The following NLGN1 variants were observed in gnomAD, a reference collection of about 807,000 sequenced individuals.
The protein encoded by NLGN1 is neuroligin 1, also known as neuroligin-1.
A neutral mutation model predicts 65.5 loss-of-function variants in NLGN1; 12 were observed. The observed-to-expected ratio is 0.18, with a 90% CI of 0.12 to 0.30. The LOEUF (loss-of-function observed/expected upper bound fraction) is 0.30, where lower values mean the gene tolerates loss of function less well. Among genes scored for constraint, NLGN1 ranks in the 10% least tolerant of loss-of-function variants. NLGN1 has a pLI of 1.00. For synonymous variants in NLGN1, 350 were observed against 359.5 expected (o/e 0.97, Z 0.30); for missense variants, 750 against 1,007.1 (o/e 0.74, Z 3.46).
chr3:173,573,291 A>C (rs1160230787), intron 2 of NLGN1, among the ~76,000 whole-genome samples: 1 of 152,102 alleles, frequency 6.6e-6, no homozygotes, highest in Non-Finnish European at 1.5e-5. Flanking sequence ...CTGGAAAAAA[A>C]CCTGTAAGCT....
chr3:174,192,305 T>G (rs1351624315), intron 4 of NLGN1, among the ~76,000 whole-genome samples: 1 of 152,138 alleles, frequency 6.6e-6, no homozygotes, highest in Non-Finnish European at 1.5e-5. Flanking sequence ...ATTTGAAAAA[T>G]GAATGGATTT....
chr3:174,260,870 A>G (rs1256785150), intron 4 of NLGN1, among the ~76,000 whole-genome samples: 1 of 147,788 alleles, frequency 6.8e-6, no homozygotes, highest in Non-Finnish European at 1.5e-5. Flanking sequence ...TATAAGGTGT[A>G]AGGAAGGGAT....
chr3:173,768,866 G>A (rs1490448530), intron 3 of NLGN1, among the ~76,000 whole-genome samples: 1 of 152,006 alleles, frequency 6.6e-6, no homozygotes, highest in Non-Finnish European at 1.5e-5. Flanking sequence ...CTGCCTCCCA[G>A]GCTCAAGTCA....
chr3:174,013,689 T>G (rs773839172), intron 4 of NLGN1, among the ~76,000 whole-genome samples: 4 of 152,158 alleles, frequency 2.6e-5, no homozygotes, highest in Non-Finnish European at 5.9e-5. Context: ...ATTTTGAGTC[T>G]AATGTTTTCT....
intron 4 of NLGN1, among the ~76,000 whole-genome samples, chr3:173,860,611 C>T (rs187078719): frequency 1.6e-4 from 25 of 152,100 alleles, no homozygotes; most frequent in African/African-American, 5.5e-4. Context: ...TTTAAAAGAG[C>T]GAAGAAATTG....
intron 4 of NLGN1, among the ~76,000 whole-genome samples, chr3:173,887,242 G>A (rs1189096280): frequency 6.6e-6 from 1 of 151,954 alleles, no homozygotes; most frequent in East Asian, 1.9e-4. Context: ...CAGTAAAAAT[G>A]CTTTCATTTG....
intron 2 of NLGN1, among the ~76,000 whole-genome samples, chr3:173,570,639 C>T (rs983442124): frequency 6.6e-6 from 1 of 152,122 alleles, no homozygotes; most frequent in African/African-American, 2.4e-5. Flanking sequence ...AGCTCTTTGT[C>T]CCCTGCCTCT....
At position 174,052,248 on chromosome 3, in the gene NLGN1, A is replaced by G. The variant is rs77432066; in HGVS notation, c.647-223067A>G. Among the ~76,000 whole-genome samples the G allele has an allele frequency of 5.6e-3, 845 of 152,116 alleles. 5 individuals carry two copies. Among genetic ancestry groups the G allele is most frequent in the Middle Eastern group, 0.048 (14 of 294 alleles). ...CATGTGTTGTGTAGGGGAAAACTCA[A>G]TGCAGCAGTCTGTAATGCATATGTA... On this transcript the variant is annotated intron_variant, in intron 4 of 6. Transcript: ENST00000457714.
At chr3:174,070,108 A>T (rs1198959820) in intron 4 of NLGN1, among the ~76,000 whole-genome samples, 1 of 152,156 alleles carries the variant, frequency 6.6e-6, no homozygotes, top group Non-Finnish European at 1.5e-5. Context: ...AGAACATAGG[A>T]TGATGGCTTT....
At chr3:174,076,708 AGAGAGAGAGAGAGAGAGTGTGT>A (rs1489417394) in intron 4 of NLGN1, among the ~76,000 whole-genome samples, 47 of 139,758 alleles carry the variant, frequency 3.4e-4, no homozygotes, top group African/African-American at 1.3e-3. Flanking sequence ...AGAGAGAGAG[AGAGAGAGAGAGAGAGAGTGTGT>A]GTGTGTGTGT....
At chr3:174,149,127 G>T (rs1191596065) in intron 4 of NLGN1, among the ~76,000 whole-genome samples, 4 of 152,134 alleles carry the variant, frequency 2.6e-5, no homozygotes, top group African/African-American at 4.8e-5. Flanking sequence ...CATCCAACAG[G>T]CATGACTTCA....
intron 4 of NLGN1, among the ~76,000 whole-genome samples, chr3:173,893,540 G>A (rs1372924574): frequency 1.3e-5 from 2 of 152,112 alleles, no homozygotes; most frequent in African/African-American, 4.8e-5. Flanking sequence ...TGACCATGAT[G>A]ATTAATGATG....
At chr3:174,146,370 A>G (rs909613924) in intron 4 of NLGN1, among the ~76,000 whole-genome samples, 13 of 152,156 alleles carry the variant, frequency 8.5e-5, no homozygotes, top group African/African-American at 2.2e-4. Flanking sequence ...GAAAATAGCA[A>G]TAGCACACAC....
chr3:173,422,944 C>A (rs867887889), intron 1 of NLGN1, among the ~76,000 whole-genome samples: 1 of 152,158 alleles, frequency 6.6e-6, no homozygotes. Context: ...TCTGAGACTA[C>A]GTAATTTATA....
At chr3:174,130,263 A>T (rs1306555929) in intron 4 of NLGN1, among the ~76,000 whole-genome samples, 2 of 152,064 alleles carry the variant, frequency 1.3e-5, no homozygotes, top group African/African-American at 2.4e-5. Context: ...AATCCCAGCT[A>T]CTCGGGAGGC....
intron 2 of NLGN1, among the ~76,000 whole-genome samples, chr3:173,585,939 C>T (rs970544359): frequency 2.6e-5 from 4 of 152,286 alleles, no homozygotes; most frequent in East Asian, 1.9e-4. Flanking sequence ...TCACTCAAAT[C>T]AGTGAATATG....
chr3:173,866,325 C>T (rs1217488791), intron 4 of NLGN1, among the ~76,000 whole-genome samples: 2 of 152,080 alleles, frequency 1.3e-5, no homozygotes, highest in South Asian at 2.1e-4. Context: ...GCATTCCAGC[C>T]TGGGCAACAA....
intron 4 of NLGN1, among the ~76,000 whole-genome samples, chr3:174,257,098 C>T (rs1052652208): frequency 1.7e-4 from 26 of 152,098 alleles, no homozygotes; most frequent in Non-Finnish European, 3.7e-4. Flanking sequence ...AGGCAAAAGA[C>T]ATGAACAGGC....
At chr3:174,157,442 T>C (rs1480685324) in intron 4 of NLGN1, among the ~76,000 whole-genome samples, 1 of 151,846 alleles carries the variant, frequency 6.6e-6, no homozygotes, top group African/African-American at 2.4e-5. Context: ...TGAAAGGTTT[T>C]TAAAAAAATT....
Sources: gnomAD v4.1 joint callset for allele counts (sites outside exome capture counted in the v4.1 genomes callset) on GRCh38, gnomAD v4.1.1 for gene constraint, MANE v1.5 for transcripts, NCBI Gene and HGNC (gene_info 2026-07-23, HGNC 2026-07-21) for gene names.